Variants in TMC5 observed in about 807,000 individuals in gnomAD.
TMC5 encodes transmembrane channel-like protein 5.
Under a neutral mutation model 110.5 loss-of-function variants are expected in TMC5, and 86 were observed. The ratio of observed to expected loss-of-function variants is 0.78; its 90% CI spans 0.65 to 0.93. The LOEUF (loss-of-function observed/expected upper bound fraction) is 0.93, where lower values mean the gene tolerates loss of function less well. Among genes scored for constraint, TMC5 ranks in the 40% least tolerant of loss-of-function variants. The pLI is 0.00. For synonymous variants in TMC5, 455 were observed against 439.5 expected, an observed-to-expected ratio of 1.04 and a Z score of -0.44; for missense variants, 1,144 against 1,222.8, an observed-to-expected ratio of 0.94 and a Z score of 0.96.
chr16:19,462,703 C>A, intron 6 of TMC5: 2 of 519,368 alleles, frequency 3.9e-6, no homozygotes, highest in Non-Finnish European at 6.9e-6. Context: ...AGTTCAAGAC[C>A]AGCCTGGCCA....
intron 1 of TMC5, among the ~76,000 whole-genome samples, chr16:19,424,009 C>T (rs1234285025): frequency 1.3e-5 from 2 of 152,192 alleles, no homozygotes; most frequent in African/African-American, 2.4e-5. Context: ...CCACCTCAGC[C>T]TCCCAAAGTG....
At chr16:19,483,851 C>T (rs567274172) in intron 15 of TMC5, among the ~76,000 whole-genome samples, 21 of 151,714 alleles carry the variant, frequency 1.4e-4, no homozygotes, top group African/African-American at 4.8e-4. Flanking sequence ...TTTAGGAGGC[C>T]GGATCACCTG....
chr16:19,428,308 C>CT (rs34374548), intron 1 of TMC5, among the ~76,000 whole-genome samples: 10,173 of 131,462 alleles, frequency 0.077, 728 homozygotes, highest in African/African-American at 0.18. Flanking sequence ...TTTCCCAATT[C>CT]TTTTTTTTTT....
At position 19,469,726 on chromosome 16, in the gene TMC5, C is replaced by T. The variant is rs1179507882; in HGVS notation, c.1683C>T (p.Tyr561=). 6.2e-7 allele frequency: 1 copy of T among 1,614,162 alleles called. No individual in the cohort carries two copies. Among genetic ancestry groups the T allele is most frequent in the Admixed American group, 1.7e-5 (1 of 60,010 alleles). The change falls in exon 10 of 22, where the codon TAC becomes TAT. Residue 561 remains tyrosine, a synonymous_variant. Coordinates refer to ENST00000542583, the MANE Select transcript of TMC5 (RefSeq NM_001261841.2). ...FRNNFINPHI[Y]SGGITKLIFC... is the part of the protein sequence containing the mutation. Reference sequence around the variant, plus strand: ...ACAACTTCATTAATCCCCACATTTACTCCGGAGGGATCACCAAGCTGATCT... The same window carrying T: ...ACAACTTCATTAATCCCCACATTTATTCCGGAGGGATCACCAAGCTGATCT...
intron 2 of TMC5, among the ~76,000 whole-genome samples, chr16:19,434,444 TC>T (rs1967293000): frequency 8.2e-6 from 1 of 121,580 alleles, no homozygotes; most frequent in Non-Finnish European, 1.6e-5. Context: ...ATCATATATA[TC>T]TATTATATAT....
upstream of TMC5, among the ~76,000 whole-genome samples, chr16:19,414,097 C>T (rs1597150207): frequency 6.6e-6 from 1 of 152,226 alleles, no homozygotes; most frequent in African/African-American, 2.4e-5. Context: ...AACTATCCTT[C>T]CTGTTCCAGC....
chr16:19,413,477 T>C (rs577680543), upstream of TMC5, among the ~76,000 whole-genome samples: 116 of 131,210 alleles, frequency 8.8e-4, 2 homozygotes, highest in Middle Eastern at 0.049. Flanking sequence ...TGAGCTAAGA[T>C]TGCGCCACTG....
At chr16:19,473,409 C>T (rs8045799) in intron 11 of TMC5, among the ~76,000 whole-genome samples, 17,024 of 146,900 alleles carry the variant, frequency 0.12, 1,302 homozygotes, top group East Asian at 0.37. Flanking sequence ...CAGAGACACG[C>T]CAACCCCCTA....
chr16:19,419,613 C>T (rs1296335178), intron 1 of TMC5, among the ~76,000 whole-genome samples: 3 of 151,650 alleles, frequency 2.0e-5, no homozygotes, highest in Admixed American at 1.3e-4. Context: ...GGGGTTTCAC[C>T]GTGTTAGCCA....
chr16:19,413,031 A>G (rs923224818), upstream of TMC5, among the ~76,000 whole-genome samples: 1 of 151,850 alleles, frequency 6.6e-6, no homozygotes, highest in African/African-American at 2.4e-5. Context: ...TTTTGTAGAG[A>G]CAAGGTCTGG....
rs140513775 is a variant in TMC5 at position 19,456,853 on chromosome 16, C to T, written c.1049-3382C>T. On this transcript the variant is annotated intron_variant, in intron 5 of 21. Transcript: ENST00000542583. Reference sequence around the variant, plus strand: ...TCAACATGGTTTTGTCAATATCTGACATTGATGTGATAGACTCTCAGACAG... The same window carrying T: ...TCAACATGGTTTTGTCAATATCTGATATTGATGTGATAGACTCTCAGACAG... The T allele has an allele frequency of 1.1e-4, 180 of 1,614,182 alleles. No homozygotes were observed. In the Middle Eastern group the frequency reaches 2.1e-3, roughly 19 times the overall value.
At chr16:19,434,191 T>TATATATCTATAGATCTATTAGATATATA (rs1555480015) in intron 2 of TMC5, among the ~76,000 whole-genome samples, 5 of 54,888 alleles carry the variant, frequency 9.1e-5, no homozygotes, top group Admixed American at 4.5e-4. Context: ...AGATATATAA[T>TATATATCTATAGATCTATTAGATATATA]ATATATATCT....
chr16:19,456,344 T>C (rs1478115157), intron 5 of TMC5: 1 of 422,312 alleles, frequency 2.4e-6, no homozygotes, highest in Non-Finnish European at 3.2e-6. Context: ...AAAAAAATCT[T>C]GCCCTTTGAC....
At chr16:19,481,323 A>C in intron 14 of TMC5, 47 bp from the exon 15 acceptor site, 1 of 1,323,228 alleles carries the variant, frequency 7.6e-7, no homozygotes, top group Non-Finnish European at 1.1e-6. Context: ...GGATCTTCTG[A>C]AAGTGGGAGT....
At chr16:19,490,869 T>TCTTC (rs554810973) in intron 18 of TMC5, among the ~76,000 whole-genome samples, 1,652 of 109,186 alleles carry the variant, frequency 0.015, 18 homozygotes, top group East Asian at 0.022. Context: ...CTTCATTTTT[T>TCTTC]CTTCCTTCCT....
chr16:19,448,155 A>C (rs1967658132), intron 4 of TMC5, among the ~76,000 whole-genome samples: 1 of 131,244 alleles, frequency 7.6e-6, no homozygotes, highest in African/African-American at 3.7e-5. Context: ...GTCTCAAAAA[A>C]AAAAAAAAAA....
At position 19,487,179 on chromosome 16, in the gene TMC5, C is replaced by G; in HGVS notation, c.2440-14C>G. The G allele has an allele frequency of 6.2e-7, 1 of 1,607,484 alleles. No individual in the cohort carries two copies. The highest frequency in any genetic ancestry group is 8.5e-7 in the Non-Finnish European group (1 of 1,176,418). On this transcript the variant is annotated splice_polypyrimidine_tract_variant and intron_variant, in intron 16 of 21. Coordinates refer to ENST00000542583, the MANE Select transcript of TMC5 (RefSeq NM_001261841.2). ...CCGGCTGCAGATGGGAGGTGGCTGC[C>G]TCTCTCTCTTCAGATCAGCCTGATG...
chr16:19,454,048 T>A (rs891855773), intron 5 of TMC5, among the ~76,000 whole-genome samples: 2 of 152,010 alleles, frequency 1.3e-5, no homozygotes, highest in African/African-American at 4.8e-5. Context: ...CACCAGCATC[T>A]TTTTTGTTGT....
Position 19,440,038 on chromosome 16 carries a change from C to A in TMC5, c.-1C>A. On this transcript the variant is annotated 5_prime_UTR_variant, in exon 3 of 22. Coordinates refer to ENST00000542583, the MANE Select transcript of TMC5 (RefSeq NM_001261841.2). ...CTCCAGGGTGAAGAGTCCATACCAA[C>A]ATGTCTGCCTACTACAGGAATAACT... 6.2e-7 allele frequency: 1 copy of A among 1,610,764 alleles called. No homozygotes were observed. The highest frequency in any genetic ancestry group is 8.5e-7 in the Non-Finnish European group (1 of 1,178,104).
Sources: allele counts gnomAD v4.1 joint callset (sites outside exome capture counted in the v4.1 genomes callset), GRCh38; gene constraint gnomAD v4.1.1; transcripts MANE v1.5; gene names NCBI Gene and HGNC (gene_info 2026-07-23, HGNC 2026-07-21).